NFS1: variants seen among roughly 807,000 people sequenced by gnomAD.
NFS1 encodes the protein cysteine desulfurase.
In NFS1, 26 loss-of-function variants were observed where a neutral mutation model predicts 57.3. The ratio of observed to expected loss-of-function variants is 0.45; its 90% CI spans 0.33 to 0.63. NFS1 has a LOEUF of 0.63. Among genes scored for constraint, NFS1 ranks in the 20% least tolerant of loss-of-function variants. The pLI is 0.02. For synonymous variants in NFS1, 209 were observed against 216.3 expected, an observed-to-expected ratio of 0.97 and a Z score of 0.30; for missense variants, 505 against 605.8, an observed-to-expected ratio of 0.83 and a Z score of 1.75.
intron 7 of NFS1, among the ~76,000 whole-genome samples, chr20:35,680,307 G>GA (rs1337421073): frequency 2.2e-4 from 31 of 142,160 alleles, no homozygotes; most frequent in Admixed American, 4.2e-4. Context: ...TCCGTCTCAA[G>GA]AAAAAAAAAA....
At position 35,690,456 on chromosome 20, in the gene NFS1, A is replaced by G. The variant is rs759036095; in HGVS notation, c.518T>C (p.Val173Ala). The G allele has an allele frequency of 6.2e-7, 1 of 1,613,914 alleles. No individual in the cohort carries two copies. The highest frequency in any genetic ancestry group is 8.5e-7 in the Non-Finnish European group (1 of 1,179,998). Residue 173 changes from valine to alanine, a missense_variant, in exon 5 of 13, where the codon GTC becomes GCC. By Grantham distance (64) the Val-to-Ala change is moderately conservative. Coordinates refer to ENST00000374092, the MANE Select transcript of NFS1 (RefSeq NM_021100.5). The part of the protein sequence containing the change: ...CRSLEAEGFQ[V>A]TYLPVQKSGI... Reference sequence around the variant, plus strand: ...ACTCTTCTGCACTGGGAGGTAGGTGACCTGAAAGCCCTCAGCTTCCAGTGA... The same window carrying G: ...ACTCTTCTGCACTGGGAGGTAGGTGGCCTGAAAGCCCTCAGCTTCCAGTGA...
Position 35,681,940 on chromosome 20 carries a change from T to A in NFS1, c.603A>T (p.Ser201=), listed in dbSNP as rs1027217892. ...AAIQPDTSLV[S]VMTVNNEIGV... The stretch of plus-strand genomic sequence containing the variant: ...CAATCTCATTGTTCACAGTCATGAC[T>A]GACACCAGGCTAGTATCTGGCTGGA... Residue 201 remains serine, a synonymous_variant, in exon 6 of 13, where the codon TCA becomes TCT. Coordinates refer to ENST00000374092, the MANE Select transcript of NFS1 (RefSeq NM_021100.5). 6.2e-7 allele frequency: 1 copy of A among 1,612,968 alleles called. No individual in the cohort carries two copies. The highest frequency in any genetic ancestry group is 2.2e-5 in the East Asian group (1 of 44,860).
chr20:35,674,918 G>T, intron 8 of NFS1, 127 bp downstream of exon 8: 1 of 1,313,390 alleles, frequency 7.6e-7, no homozygotes, highest in Non-Finnish European at 1.1e-6. Flanking sequence ...AGCAGCACCA[G>T]GACAAGGAAG....
In NFS1 at chr20:35,671,837, G is replaced by C. The variant is rs542015777; in HGVS notation, c.1310+918C>G. ...CTTGGGAGGCACAAGTTGCAGTGAG[G>C]TGTGATTGTGCCACTGCACTCCAGC... is the stretch of plus-strand genomic sequence containing the variant. On this transcript the variant is annotated intron_variant, in intron 12 of 12. Transcript: ENST00000374092. Among the ~76,000 whole-genome samples the C allele has an allele frequency of 2.5e-4, 36 of 145,796 alleles. 1 individual carries two copies. In the Middle Eastern group the frequency reaches 0.022, roughly 90 times the overall value.
At chr20:35,694,506 T>C (rs1369959397) in intron 4 of NFS1, 1 of 152,184 alleles carries the variant, frequency 6.6e-6, no homozygotes, top group Non-Finnish European at 1.5e-5. Flanking sequence ...TTAAACCATA[T>C]AGGACAAAAT....
At chr20:35,698,351 C>T (rs2035176819) in intron 2 of NFS1, 130 bp downstream of exon 2, 1 of 711,104 alleles carries the variant, frequency 1.4e-6, no homozygotes, top group Non-Finnish European at 2.4e-6. Context: ...AGCCTCCCGA[C>T]TCCTCGCTCA....
intron 5 of NFS1, among the ~76,000 whole-genome samples, chr20:35,683,025 C>T (rs570110976): frequency 6.6e-6 from 1 of 151,452 alleles, no homozygotes; most frequent in Middle Eastern, 3.2e-3. Context: ...TTGCAGTGAG[C>T]GGAGATCACA....
chr20:35,674,382 C>T lies in NFS1; in HGVS notation c.1104G>A (p.Met368Ile), dbSNP rs760146424. The T allele has an allele frequency of 1.9e-6, 3 of 1,613,922 alleles. No individual in the cohort carries two copies. The highest frequency in any genetic ancestry group is 1.7e-6 in the Non-Finnish European group (2 of 1,179,964). Residue 368 changes from methionine (M) to isoleucine (I), a missense_variant, in exon 10 of 13, where the codon ATG (methionine) becomes ATA (isoleucine). Physicochemically the swap from Met to Ile is conservative, Grantham distance 10. Transcript: ENST00000374092. The part of the protein sequence containing the change: ...FAYVEGESLL[M>I]ALKDVALSSG... ...AGGATAAGGCAACGTCCTTCAGTGCCATCAGCAGACTTTCCCCTTCCACAT... is the reference window on the plus strand; with the variant it reads ...AGGATAAGGCAACGTCCTTCAGTGCTATCAGCAGACTTTCCCCTTCCACAT...
At chr20:35,670,772 T>C (rs545488440) in intron 12 of NFS1, among the ~76,000 whole-genome samples, 5 of 152,242 alleles carry the variant, frequency 3.3e-5, no homozygotes, top group Non-Finnish European at 5.9e-5. Flanking sequence ...CTTGTGAGTA[T>C]ACCACAGAAT....
chr20:35,684,509 G>C (rs540415110), intron 5 of NFS1, among the ~76,000 whole-genome samples: 3 of 151,806 alleles, frequency 2.0e-5, no homozygotes, highest in African/African-American at 4.9e-5. Flanking sequence ...CCAGCACTTT[G>C]GAAGGCTGAA....
Position 35,696,421 on chromosome 20 carries a change from T to C in NFS1, c.364A>G (p.Ile122Val), listed in dbSNP as rs751657668. Residue 122 changes from isoleucine to valine, a missense_variant, in exon 4 of 13, where the codon ATT (isoleucine) becomes GTT (valine). Coordinates refer to ENST00000374092, the MANE Select transcript of NFS1 (RefSeq NM_021100.5). ...GATTCAGTAGCACCACTAGTAAAAA[T>C]GATCTCACGAGGATCAGCTCCAATC... Reference protein sequence around the residue: ...SLIGADPREIIFTSGATESNN... With the variant: ...SLIGADPREIVFTSGATESNN... 1.9e-6 allele frequency: 3 copies of C among 1,614,044 alleles called. No individual in the cohort carries two copies. Among genetic ancestry groups the C allele is most frequent in the East Asian group, 2.2e-5 (1 of 44,880 alleles).
intron 5 of NFS1, among the ~76,000 whole-genome samples, chr20:35,689,873 G>T (rs2035012772): frequency 6.7e-6 from 1 of 150,142 alleles, no homozygotes; most frequent in Non-Finnish European, 1.5e-5. Flanking sequence ...GGGAGGTGGA[G>T]GTTGCAGTGG....
chr20:35,680,702 G>A (rs1181964545), intron 7 of NFS1, 35 bp downstream of exon 7: 2 of 1,468,792 alleles, frequency 1.4e-6, no homozygotes, highest in Non-Finnish European at 1.8e-6. Context: ...TTGCTGGAAG[G>A]TACAGAGAGA....
At chr20:35,688,789 G>C (rs2034990346) in intron 5 of NFS1, among the ~76,000 whole-genome samples, 1 of 151,674 alleles carries the variant, frequency 6.6e-6, no homozygotes, top group Non-Finnish European at 1.5e-5. Context: ...AGAAAGGAAG[G>C]AAGGGAGGCA....
chr20:35,673,165 G>A (rs748613051), intron 11 of NFS1, among the ~76,000 whole-genome samples: 1 of 152,066 alleles, frequency 6.6e-6, no homozygotes, highest in South Asian at 2.1e-4. Context: ...GCACATGTCT[G>A]TAATCCCAGC....
intron 11 of NFS1, among the ~76,000 whole-genome samples, chr20:35,673,289 GA>G (rs72118863): frequency 2.5e-4 from 35 of 141,374 alleles, no homozygotes; most frequent in Admixed American, 2.8e-4. Flanking sequence ...CTCTGTCTCA[GA>G]AAAAAAAAAA....
chr20:35,683,255 G>A (rs936272446), intron 5 of NFS1, among the ~76,000 whole-genome samples: 8 of 152,068 alleles, frequency 5.3e-5, no homozygotes, highest in Admixed American at 1.3e-4. Flanking sequence ...AGGCGGAGGC[G>A]GGTGGATCAG....
At chr20:35,674,924 G>A (rs2034714971) in intron 8 of NFS1, 121 bp downstream of exon 8, 5 of 1,366,686 alleles carry the variant, frequency 3.7e-6, no homozygotes, top group South Asian at 1.2e-5. Context: ...ACCAGGACAA[G>A]GAAGAGTTTT....
chr20:35,672,216 C>T (rs766370344), intron 12 of NFS1, among the ~76,000 whole-genome samples: 8 of 151,910 alleles, frequency 5.3e-5, no homozygotes, highest in Non-Finnish European at 1.2e-4. Flanking sequence ...CCTCAGCCTC[C>T]CAGAGTGCTG....
Sources: gnomAD v4.1 joint callset for allele counts (sites outside exome capture counted in the v4.1 genomes callset) on GRCh38, gnomAD v4.1.1 for gene constraint, MANE v1.5 for transcripts, NCBI Gene and HGNC (gene_info 2026-07-23, HGNC 2026-07-21) for gene names.